Variants in CTNNA3 observed in about 807,000 individuals in gnomAD.
CTNNA3 encodes the protein catenin alpha-3.
CTNNA3 carries 76 observed loss-of-function variants against 95.7 expected under a neutral mutation model. That is an observed-to-expected ratio of 0.79 (90% CI 0.66 to 0.96). The LOEUF is 0.96. Ranked by LOEUF, CTNNA3 falls within the 40% of genes least tolerant of loss-of-function variation. The probability of loss-of-function intolerance (pLI) is 0.00; values close to 1 mark genes in which losing one functional copy is unlikely to be tolerated. For synonymous variants in CTNNA3, 431 were observed against 374.4 expected (o/e 1.15, Z -1.74); for missense variants, 1,191 against 1,089.8 (o/e 1.09, Z -1.31).
chr10:66,845,975 A>G (rs1162675133), intron 7 of CTNNA3, among the ~76,000 whole-genome samples: 4 of 151,638 alleles, frequency 2.6e-5, no homozygotes, highest in Admixed American at 1.3e-4. Flanking sequence ...TACTAAAAAT[A>G]CACAAATTTA....
At chr10:66,714,619 T>C (rs1225682303) in intron 9 of CTNNA3, among the ~76,000 whole-genome samples, 1 of 152,158 alleles carries the variant, frequency 6.6e-6, no homozygotes, top group Non-Finnish European at 1.5e-5. Context: ...GCAGTGCTTC[T>C]TAAAGTATGG....
At chr10:66,482,499 G>A (rs1053557507) in intron 11 of CTNNA3, among the ~76,000 whole-genome samples, 29 of 152,038 alleles carry the variant, frequency 1.9e-4, no homozygotes, top group Non-Finnish European at 2.2e-4. Context: ...ATCATTGGCC[G>A]CACTGCTTTT....
At chr10:67,550,237 A>C (rs1040679696) in intron 3 of CTNNA3, among the ~76,000 whole-genome samples, 1 of 152,212 alleles carries the variant, frequency 6.6e-6, no homozygotes, top group South Asian at 2.1e-4. Context: ...TAATATTAGC[A>C]TCTCAGGAAT....
At chr10:67,609,756 T>G (rs1843398701) in intron 2 of CTNNA3, among the ~76,000 whole-genome samples, 1 of 152,220 alleles carries the variant, frequency 6.6e-6, no homozygotes, top group South Asian at 2.1e-4. Context: ...TTGTTCCCCA[T>G]GTAGGTGCAG....
intron 11 of CTNNA3, among the ~76,000 whole-genome samples, chr10:66,436,172 T>C (rs7916076): frequency 0.38 from 58,001 of 151,854 alleles, 11,622 homozygotes; most frequent in African/African-American, 0.5. Context: ...GTGGAGAGTT[T>C]GGTAGATGTC....
At chr10:66,541,401 T>C (rs761545575) in intron 10 of CTNNA3, among the ~76,000 whole-genome samples, 1 of 152,160 alleles carries the variant, frequency 6.6e-6, no homozygotes, top group Non-Finnish European at 1.5e-5. Flanking sequence ...AACAATTTTT[T>C]TTCTGTCAAG....
At chr10:67,660,487 A>C (rs2133522192) in intron 1 of CTNNA3, among the ~76,000 whole-genome samples, 1 of 152,312 alleles carries the variant, frequency 6.6e-6, no homozygotes, top group East Asian at 1.9e-4. Context: ...AAAAAAGAAA[A>C]GATGGAAAAG....
chr10:66,015,677 C>T (rs965639296), intron 15 of CTNNA3, among the ~76,000 whole-genome samples: 1 of 151,922 alleles, frequency 6.6e-6, no homozygotes, highest in East Asian at 1.9e-4. Flanking sequence ...ATACACTGGC[C>T]TTTCCATAGA....
intron 9 of CTNNA3, among the ~76,000 whole-genome samples, chr10:66,652,610 G>C (rs531786542): frequency 1.3e-5 from 2 of 152,170 alleles, no homozygotes; most frequent in South Asian, 2.1e-4. Context: ...GAAAAACATT[G>C]AAGAAGAAAT....
intron 17 of CTNNA3, among the ~76,000 whole-genome samples, chr10:65,939,361 TACAATTTTAAGATTAATA>T (rs1043174055): frequency 1.8e-4 from 27 of 152,332 alleles, no homozygotes; most frequent in Admixed American, 5.2e-4. Flanking sequence ...CAACCAGTTC[TACAATTTTAAGATTAATA>T]ACTGCTACTT....
chr10:66,479,291 TC>T (rs1839431896), intron 11 of CTNNA3, among the ~76,000 whole-genome samples: 1 of 143,360 alleles, frequency 7.0e-6, no homozygotes, highest in East Asian at 5.1e-4. Flanking sequence ...GTACCACACT[TC>T]CTTAAATACT....
Position 67,132,695 on chromosome 10 carries a change from TA to T in CTNNA3, c.1047+47621del, listed in dbSNP as rs555841193. Among the ~76,000 whole-genome samples, 14 of 151,462 alleles carry T rather than the reference TA, an allele frequency of 9.2e-5. No homozygotes were observed. In the East Asian group the frequency reaches 1.2e-3, roughly 13 times the overall value. On this transcript the variant is annotated intron_variant, in intron 7 of 17. Coordinates refer to ENST00000433211, the MANE Select transcript of CTNNA3 (RefSeq NM_013266.4). Reference sequence around the variant, plus strand: ...AAGTGTCCATCAACAGACGAATGGATAAAAAAAATGTCGTATATATACACAA... The same window carrying T: ...AAGTGTCCATCAACAGACGAATGGATAAAAAAATGTCGTATATATACACAA...
chr10:66,635,030 T>C (rs1189419077), intron 9 of CTNNA3, among the ~76,000 whole-genome samples: 1 of 152,088 alleles, frequency 6.6e-6, no homozygotes, highest in African/African-American at 2.4e-5. Flanking sequence ...TGGAACAATA[T>C]ATAACTGTAA....
intron 1 of CTNNA3, among the ~76,000 whole-genome samples, chr10:67,748,832 T>C (rs574556638): frequency 7.7e-4 from 118 of 152,284 alleles, no homozygotes; most frequent in African/African-American, 2.6e-3. Context: ...TCAAGATGAA[T>C]TGGTGTGCTG....
At chr10:67,428,286 A>G (rs1845988697) in intron 5 of CTNNA3, among the ~76,000 whole-genome samples, 1 of 152,030 alleles carries the variant, frequency 6.6e-6, no homozygotes, top group African/African-American at 2.4e-5. Context: ...ATTTTGGAGT[A>G]ATTTTAGTAT....
At chr10:66,647,976 C>T (rs960102193) in intron 9 of CTNNA3, among the ~76,000 whole-genome samples, 2 of 152,078 alleles carry the variant, frequency 1.3e-5, no homozygotes, top group African/African-American at 4.8e-5. Flanking sequence ...TGAACCCTCC[C>T]TAGCCATTCC....
chr10:66,952,521 T>C (rs909612266), intron 7 of CTNNA3, among the ~76,000 whole-genome samples: 38 of 151,944 alleles, frequency 2.5e-4, no homozygotes, highest in African/African-American at 9.0e-4. Context: ...AATGGAAAAA[T>C]TAATTGTGTG....
At chr10:66,929,737 T>C (rs537081820) in intron 7 of CTNNA3, among the ~76,000 whole-genome samples, 2 of 152,376 alleles carry the variant, frequency 1.3e-5, no homozygotes, top group East Asian at 1.9e-4. Context: ...ACAGACCCTG[T>C]TGGCAATCTG....
At chr10:67,301,969 A>G (rs1323833324) in intron 5 of CTNNA3, among the ~76,000 whole-genome samples, 2 of 109,628 alleles carry the variant, frequency 1.8e-5, no homozygotes, top group Admixed American at 1.7e-4. Flanking sequence ...ACTCGTCAAG[A>G]AAGAAAAAAG....
Sources: allele counts gnomAD v4.1 joint callset (sites outside exome capture counted in the v4.1 genomes callset), GRCh38; gene constraint gnomAD v4.1.1; transcripts MANE v1.5; gene names NCBI Gene and HGNC (gene_info 2026-07-23, HGNC 2026-07-21).